The following ATP8A1 variants were observed in gnomAD, a reference collection of about 807,000 sequenced individuals.
ATP8A1 encodes the protein ATPase phospholipid transporting 8A1.
In ATP8A1, 90 loss-of-function variants were observed where a neutral mutation model predicts 177.7. The observed-to-expected ratio is 0.51, with a 90% CI of 0.43 to 0.60. The LOEUF is 0.60. Ranked by LOEUF, ATP8A1 falls within the 20% of genes least tolerant of loss-of-function variation. ATP8A1 has a pLI of 0.00. For missense variants in ATP8A1, 1,072 were observed against 1,392.8 expected (o/e 0.77, Z 3.67); for synonymous variants, 493 against 485.9 (o/e 1.01, Z -0.19).
At chr4:42,561,217 G>A (rs114636389) in intron 15 of ATP8A1, among the ~76,000 whole-genome samples, 105 of 152,196 alleles carry the variant, frequency 6.9e-4, no homozygotes, top group South Asian at 1.7e-3. Flanking sequence ...GGTGGGCCGC[G>A]CACTGGGACA....
intron 22 of ATP8A1, among the ~76,000 whole-genome samples, chr4:42,510,908 C>T (rs753873936): frequency 6.6e-6 from 1 of 152,136 alleles, no homozygotes; most frequent in Non-Finnish European, 1.5e-5. Flanking sequence ...AGATGTAGGG[C>T]CAGCAAGGTA....
rs1318545040 is a variant in ATP8A1 at position 42,579,885 on chromosome 4, G to C, written c.928C>G (p.Leu310Val). 2.1e-5 allele frequency: 34 copies of C among 1,613,638 alleles called. No homozygotes were observed. Among genetic ancestry groups the C allele is most frequent in the Non-Finnish European group, 2.7e-5 (32 of 1,179,830 alleles). ...ILFCILIAMSLVCSVGSAIWN... is the reference protein window; with the variant it reads ...ILFCILIAMSVVCSVGSAIWN... ...ATGGCTGAGCCCACAGAACAGACAAGAGACATGGCAATTAAGATACAAAAT... is the reference window on the plus strand; with the variant it reads ...ATGGCTGAGCCCACAGAACAGACAACAGACATGGCAATTAAGATACAAAAT... Residue 310 changes from leucine (L) to valine (V), a missense_variant, in exon 11 of 37, where the codon CTT (leucine) becomes GTT (valine). Leu to Val is a conservative substitution (Grantham distance 32). Transcript: ENST00000381668.
At chr4:42,507,780 TAAAAAAAAAAAAAAA>T in intron 22 of ATP8A1, among the ~76,000 whole-genome samples, 9 of 17,700 alleles carry the variant, frequency 5.1e-4, no homozygotes, top group African/African-American at 1.3e-3. Context: ...ACAGGCATTC[TAAAAAAAAAAAAAAA>T]AAAAAAAAAA....
intron 4 of ATP8A1, among the ~76,000 whole-genome samples, chr4:42,617,869 A>G (rs964762717): frequency 6.6e-6 from 1 of 152,220 alleles, no homozygotes; most frequent in East Asian, 1.9e-4. Flanking sequence ...GAATATATTA[A>G]GAATCTATCT....
intron 33 of ATP8A1, among the ~76,000 whole-genome samples, chr4:42,438,089 G>A (rs1716193995): frequency 6.6e-6 from 1 of 152,160 alleles, no homozygotes; most frequent in Non-Finnish European, 1.5e-5. Context: ...AAGTCTGGGA[G>A]AAAAGCCACA....
chr4:42,578,793 C>T (rs1056263656), intron 11 of ATP8A1, among the ~76,000 whole-genome samples: 3 of 151,944 alleles, frequency 2.0e-5, no homozygotes, highest in African/African-American at 7.3e-5. Context: ...ACAGCAGCAG[C>T]AAAAACAATC....
chr4:42,416,513 A>C (rs980833806), intron 35 of ATP8A1, among the ~76,000 whole-genome samples: 8 of 152,316 alleles, frequency 5.3e-5, no homozygotes, highest in Admixed American at 3.3e-4. Flanking sequence ...AGTTCATATA[A>C]AGGCTCTCAT....
intron 33 of ATP8A1, among the ~76,000 whole-genome samples, chr4:42,438,170 G>A (rs1716214370): frequency 6.6e-6 from 1 of 152,136 alleles, no homozygotes; most frequent in Admixed American, 6.5e-5. Context: ...GTGCATCAGG[G>A]GACAGAATCA....
chr4:42,556,035 T>A lies in ATP8A1; in HGVS notation c.1346A>T (p.Asn449Ile). ...TGTTTTTTCATCTCCAAACTGTGAG[T>A]TCTGCCTGAAGGGGGTAAAAAATAG... is the stretch of plus-strand genomic sequence containing the variant. ...DYGCSPDEWQ[N>I]SQFGDEKTFS... Residue 449 changes from asparagine (N) to isoleucine (I), a missense_variant, in exon 16 of 37, where the codon AAC becomes ATC. By Grantham distance (149) the Asn-to-Ile change is moderately radical. Around this residue, in one of 5 missense-constraint regions of ATP8A1, gnomAD observed 388 missense variants for 471.7 expected, o/e 0.82. Transcript: ENST00000381668. The A allele has an allele frequency of 6.2e-7, 1 of 1,611,020 alleles. No individual in the cohort carries two copies. The highest frequency in any genetic ancestry group is 8.5e-7 in the Non-Finnish European group (1 of 1,178,236).
intron 22 of ATP8A1, among the ~76,000 whole-genome samples, chr4:42,515,929 C>T: frequency 6.6e-6 from 1 of 152,290 alleles, no homozygotes; most frequent in South Asian, 2.1e-4. Context: ...AAATTATTGG[C>T]TTCTTTTCTA....
intron 1 of ATP8A1, among the ~76,000 whole-genome samples, chr4:42,640,870 T>C (rs1433340651): frequency 6.6e-6 from 1 of 151,956 alleles, no homozygotes; most frequent in Non-Finnish European, 1.5e-5. Context: ...AGAATGTGGA[T>C]TTGTGGTCAG....
At chr4:42,456,689 G>C (rs1232693657) in intron 27 of ATP8A1, among the ~76,000 whole-genome samples, 3 of 152,070 alleles carry the variant, frequency 2.0e-5, no homozygotes, top group African/African-American at 4.8e-5. Context: ...GAGTACAAAG[G>C]CTGGTCCAGC....
chr4:42,489,676 G>A (rs1463953459), intron 24 of ATP8A1, among the ~76,000 whole-genome samples: 1 of 152,084 alleles, frequency 6.6e-6, no homozygotes, highest in African/African-American at 2.4e-5. Flanking sequence ...ATTTACTGCC[G>A]GGAGTATTTT....
chr4:42,448,837 T>G (rs1327521154), intron 30 of ATP8A1, among the ~76,000 whole-genome samples: 15 of 136,180 alleles, frequency 1.1e-4, no homozygotes, highest in African/African-American at 4.1e-4. Flanking sequence ...CGTTTTTTTT[T>G]TTTTTTTTTT....
At chr4:42,648,880 T>C (rs1200879127) in intron 1 of ATP8A1, among the ~76,000 whole-genome samples, 1 of 152,220 alleles carries the variant, frequency 6.6e-6, no homozygotes, top group Admixed American at 6.5e-5. Context: ...TTTTACATTC[T>C]ATATCCATAA....
intron 29 of ATP8A1, among the ~76,000 whole-genome samples, chr4:42,453,574 C>T (rs879369906): frequency 2.6e-5 from 4 of 152,256 alleles, no homozygotes; most frequent in African/African-American, 4.8e-5. Context: ...ATATACTACC[C>T]GCTATACCCT....
At chr4:42,514,635 T>A (rs1725348020) in intron 22 of ATP8A1, among the ~76,000 whole-genome samples, 1 of 152,112 alleles carries the variant, frequency 6.6e-6, no homozygotes, top group Admixed American at 6.6e-5. Context: ...GCACAATTGA[T>A]TTCATTTTAT....
At position 42,411,851 on chromosome 4, in the gene ATP8A1, A is replaced by G. The variant is rs927180485; in HGVS notation, c.*1065T>C. The G allele has an allele frequency of 3.3e-5, 5 of 152,332 alleles. No individual in the cohort carries two copies. The highest frequency in any genetic ancestry group is 4.8e-5 in the African/African-American group (2 of 41,586). The allele number at this position is 152,332 out of a possible 1,614,324, so 9.4% of individuals were successfully genotyped here. A position where few individuals can be genotyped will look rare whatever the true frequency, so the allele number is the denominator to read the frequency against. ...GTCTTCAGTATAGGGGGCAGTCACC[A>G]TAACACTGGGTGTGCTACACAAGAC... On this transcript the variant is annotated 3_prime_UTR_variant, in exon 37 of 37. Coordinates refer to ENST00000381668, the MANE Select transcript of ATP8A1 (RefSeq NM_006095.2).
chr4:42,566,129 T>C (rs1432446858), intron 15 of ATP8A1, among the ~76,000 whole-genome samples: 2 of 152,208 alleles, frequency 1.3e-5, no homozygotes, highest in East Asian at 1.9e-4. Flanking sequence ...ACAGAATATG[T>C]GGAAAGACTT....
Sources: allele counts gnomAD v4.1 joint callset (sites outside exome capture counted in the v4.1 genomes callset), GRCh38; gene constraint gnomAD v4.1.1; regional missense constraint gnomAD v4.1.1; transcripts MANE v1.5; gene names NCBI Gene and HGNC (gene_info 2026-07-23, HGNC 2026-07-21).